DCC: variants seen among roughly 807,000 people sequenced by gnomAD.
The protein encoded by DCC is netrin receptor DCC.
DCC carries 58 observed loss-of-function variants against 172.5 expected under a neutral mutation model. The ratio of observed to expected loss-of-function variants is 0.34; its 90% CI spans 0.27 to 0.42. The LOEUF (loss-of-function observed/expected upper bound fraction) is 0.42, where lower values mean the gene tolerates loss of function less well. DCC is among the 10% of genes least tolerant of loss of function. DCC has a pLI of 1.00. For synonymous variants in DCC, 709 were observed against 644.5 expected, an observed-to-expected ratio of 1.10 and a Z score of -1.52; for missense variants, 1,740 against 1,791.0, an observed-to-expected ratio of 0.97 and a Z score of 0.51.
chr18:53,468,218 CT>C (rs2045647375), intron 25 of DCC, among the ~76,000 whole-genome samples: 1 of 151,798 alleles, frequency 6.6e-6, no homozygotes, highest in South Asian at 2.1e-4. Context: ...ATCAGATGGT[CT>C]GTTGGCAAAC....
intron 1 of DCC, among the ~76,000 whole-genome samples, chr18:52,399,817 GTCTTAT>G (rs1986368640): frequency 6.6e-6 from 1 of 151,958 alleles, no homozygotes; most frequent in African/African-American, 2.4e-5. Context: ...GTGAGAACCT[GTCTTAT>G]TCTTATTAAT....
At chr18:52,382,987 T>C (rs1462888063) in intron 1 of DCC, among the ~76,000 whole-genome samples, 1 of 152,136 alleles carries the variant, frequency 6.6e-6, no homozygotes, top group African/African-American at 2.4e-5. Context: ...GATTATTCCC[T>C]AGTATTGTAT....
intron 2 of DCC, among the ~76,000 whole-genome samples, chr18:52,775,808 T>C (rs1292221781): frequency 2.0e-5 from 3 of 152,214 alleles, no homozygotes; most frequent in South Asian, 2.1e-4. Context: ...GATGGGAATG[T>C]GGTCTTGGAA....
chr18:53,205,730 A>G (rs967063771), intron 10 of DCC, among the ~76,000 whole-genome samples: 2 of 152,120 alleles, frequency 1.3e-5, no homozygotes, highest in African/African-American at 4.8e-5. Context: ...CCTCCTAGTC[A>G]ATGGCGTTTG....
intron 2 of DCC, among the ~76,000 whole-genome samples, chr18:52,814,157 G>A (rs56098976): frequency 0.076 from 11,533 of 152,254 alleles, 1,404 homozygotes; most frequent in African/African-American, 0.26. Flanking sequence ...GATATCGTGG[G>A]TTTGTGTTGC....
chr18:52,790,409 CTCT>C (rs1339576127), intron 2 of DCC, among the ~76,000 whole-genome samples: 1 of 152,112 alleles, frequency 6.6e-6, no homozygotes, highest in African/African-American at 2.4e-5. Flanking sequence ...TCCTTGTTAC[CTCT>C]TTTACCAGTT....
At chr18:53,275,144 A>G (rs1385357932) in intron 12 of DCC, among the ~76,000 whole-genome samples, 1 of 152,148 alleles carries the variant, frequency 6.6e-6, no homozygotes, top group Non-Finnish European at 1.5e-5. Flanking sequence ...TATGCAGAAG[A>G]GTGGAATTCG....
intron 1 of DCC, among the ~76,000 whole-genome samples, chr18:52,689,308 G>C (rs1371149660): frequency 6.6e-6 from 1 of 152,044 alleles, no homozygotes; most frequent in Admixed American, 6.6e-5. Context: ...AAAGCATCAG[G>C]ATTCAAGAAA....
chr18:53,312,153 CAAAAAA>C (rs895203731), intron 13 of DCC, among the ~76,000 whole-genome samples: 1 of 26,734 alleles, frequency 3.7e-5, no homozygotes, highest in Non-Finnish European at 6.7e-5. Context: ...GCTAAAAATA[CAAAAAA>C]AAAAAAAAAA....
intron 19 of DCC, 42 bp from the exon 20 acceptor site, chr18:53,410,410 G>A (rs10853631): frequency 0.5 from 613,933 of 1,237,194 alleles, 160,667 homozygotes; most frequent in Non-Finnish European, 0.55. Flanking sequence ...GAACTGCAGC[G>A]TGTAGGACAC....
At chr18:52,666,472 T>A (rs1329102495) in intron 1 of DCC, among the ~76,000 whole-genome samples, 2 of 152,186 alleles carry the variant, frequency 1.3e-5, no homozygotes, top group African/African-American at 4.8e-5. Flanking sequence ...CTTAAATAAT[T>A]TGCTTTCATA....
intron 7 of DCC, among the ~76,000 whole-genome samples, chr18:53,103,844 T>C (rs956044150): frequency 4.6e-5 from 7 of 152,012 alleles, no homozygotes; most frequent in African/African-American, 1.7e-4. Flanking sequence ...AGTGTCCTTA[T>C]TCATTATTTG....
chr18:52,675,531 C>A (rs1463691495), intron 1 of DCC, among the ~76,000 whole-genome samples: 2 of 152,136 alleles, frequency 1.3e-5, no homozygotes, highest in Non-Finnish European at 2.9e-5. Context: ...ATGTGTATAA[C>A]CAAGCTGCAC....
chr18:52,528,327 C>T lies in DCC; in HGVS notation c.91+187449C>T, dbSNP rs374127789. Among the ~76,000 whole-genome samples the T allele has an allele frequency of 3.8e-4, 58 of 152,094 alleles. 1 individual carries two copies. In the South Asian group the frequency reaches 1.0e-2, roughly 26 times the overall value. ...CAAGATATATTTCGAATATAATGTG[C>T]CAGATGCTTTTTGTTGCTAGGAACA... On this transcript the variant is annotated intron_variant, in intron 1 of 28. Transcript: ENST00000442544.
chr18:53,200,721 C>G (rs1469754027), intron 9 of DCC, among the ~76,000 whole-genome samples: 1 of 152,052 alleles, frequency 6.6e-6, no homozygotes, highest in African/African-American at 2.4e-5. Flanking sequence ...TATCTGTTTC[C>G]CAGAAGTTTC....
rs1021753666 is a variant in DCC, at chr18:53,203,492, T to C, written c.1574-1724T>C. ...AAGGTTCCAGGACTGATGGGAAATA[T>C]GTGAAGGTGACATTAATACATGTTC... On this transcript the variant is annotated intron_variant, in intron 9 of 28. Transcript: ENST00000442544. Among the ~76,000 whole-genome samples the C allele has an allele frequency of 1.3e-5, 2 of 152,124 alleles. 1 individual carries two copies. The highest frequency in any genetic ancestry group is 4.1e-4 in the South Asian group (2 of 4,832).
intron 12 of DCC, among the ~76,000 whole-genome samples, chr18:53,284,508 T>C (rs2144734925): frequency 6.6e-6 from 1 of 152,314 alleles, no homozygotes; most frequent in African/African-American, 2.4e-5. Flanking sequence ...GCCTTTCACC[T>C]TCTGCCATGA....
chr18:52,574,357 A>T (rs1270008776), intron 1 of DCC, among the ~76,000 whole-genome samples: 2 of 152,140 alleles, frequency 1.3e-5, no homozygotes, highest in Admixed American at 6.5e-5. Context: ...GACAAAACAA[A>T]ATTTGATATA....
intron 1 of DCC, among the ~76,000 whole-genome samples, chr18:52,385,987 T>C (rs1985783817): frequency 6.6e-6 from 1 of 152,124 alleles, no homozygotes; most frequent in Non-Finnish European, 1.5e-5. Context: ...AGCACAGATG[T>C]GTATGCATAT....
Sources: allele counts gnomAD v4.1 joint callset (sites outside exome capture counted in the v4.1 genomes callset), GRCh38; gene constraint gnomAD v4.1.1; transcripts MANE v1.5; gene names NCBI Gene and HGNC (gene_info 2026-07-23, HGNC 2026-07-21).